ADAMTS17: variants seen among roughly 807,000 people sequenced by gnomAD.
ADAMTS17 encodes A disintegrin and metalloproteinase with thrombospondin motifs 17.
A neutral mutation model predicts 141.5 loss-of-function variants in ADAMTS17; 113 were observed. The ratio of observed to expected loss-of-function variants is 0.80; its 90% CI spans 0.69 to 0.93. The LOEUF (loss-of-function observed/expected upper bound fraction) is 0.93. Among genes scored for constraint, ADAMTS17 ranks in the 40% least tolerant of loss-of-function variants. The probability of loss-of-function intolerance (pLI) is 0.00; values close to 1 mark genes in which losing one functional copy is unlikely to be tolerated. For missense variants in ADAMTS17, 1,659 were observed against 1,517.9 expected (o/e 1.09, Z -1.54); for synonymous variants, 768 against 630.6 (o/e 1.22, Z -3.27).
At chr15:100,054,359 C>A (rs2032390178) in intron 15 of ADAMTS17, among the ~76,000 whole-genome samples, 1 of 152,144 alleles carries the variant, frequency 6.6e-6, no homozygotes, top group African/African-American at 2.4e-5. Flanking sequence ...GGTGGAGGGG[C>A]AGGGAATGGA....
chr15:100,221,912 C>A (rs1192079750), intron 7 of ADAMTS17, among the ~76,000 whole-genome samples: 1 of 152,216 alleles, frequency 6.6e-6, no homozygotes, highest in African/African-American at 2.4e-5. Context: ...GACACCTCTG[C>A]CGGAGGCCGC....
intron 18 of ADAMTS17, among the ~76,000 whole-genome samples, chr15:100,024,198 T>C (rs2061461594): frequency 6.6e-6 from 1 of 152,184 alleles, no homozygotes; most frequent in Non-Finnish European, 1.5e-5. Context: ...GCTCAAGCAA[T>C]TCTCCTGCGT....
At chr15:100,226,435 G>A (rs961007646) in intron 7 of ADAMTS17, among the ~76,000 whole-genome samples, 7 of 152,368 alleles carry the variant, frequency 4.6e-5, no homozygotes, top group African/African-American at 1.4e-4. Flanking sequence ...GTGGTTTTGA[G>A]GGACCATAAT....
chr15:100,156,163 G>A (rs1040549813), intron 8 of ADAMTS17, among the ~76,000 whole-genome samples: 4 of 152,230 alleles, frequency 2.6e-5, no homozygotes, highest in South Asian at 2.1e-4. Flanking sequence ...TCAAATCACT[G>A]CCAGCTTGGG....
intron 7 of ADAMTS17, among the ~76,000 whole-genome samples, chr15:100,237,901 G>T (rs1161601552): frequency 1.3e-5 from 2 of 152,240 alleles, no homozygotes; most frequent in Non-Finnish European, 2.9e-5. Context: ...TGGGATTACA[G>T]GTGTGAGCCC....
chr15:100,287,747 T>C (rs1049223496), intron 3 of ADAMTS17, among the ~76,000 whole-genome samples: 1 of 152,204 alleles, frequency 6.6e-6, no homozygotes, highest in African/African-American at 2.4e-5. Context: ...AAGAACTTGA[T>C]ATCCAGCCAA....
intron 18 of ADAMTS17, among the ~76,000 whole-genome samples, chr15:100,030,100 C>T (rs1196930612): frequency 6.6e-6 from 1 of 152,184 alleles, no homozygotes; most frequent in African/African-American, 2.4e-5. Flanking sequence ...CCTTTGTCCT[C>T]CCTGACAACT....
chr15:100,223,922 G>A (rs55915969), intron 7 of ADAMTS17, among the ~76,000 whole-genome samples: 35,658 of 151,926 alleles, frequency 0.23, 4,651 homozygotes, highest in East Asian at 0.33. Context: ...GAAGCAGTCC[G>A]AGTCCCGAAG....
intron 12 of ADAMTS17, among the ~76,000 whole-genome samples, chr15:100,125,951 T>G (rs2037710671): frequency 6.6e-6 from 1 of 152,010 alleles, no homozygotes; most frequent in Non-Finnish European, 1.5e-5. Context: ...AAGGGGGTCG[T>G]GGGAGCGTTC....
chr15:100,149,795 G>A (rs930237380), intron 10 of ADAMTS17, among the ~76,000 whole-genome samples: 3 of 152,220 alleles, frequency 2.0e-5, no homozygotes, highest in Admixed American at 1.3e-4. Context: ...ATCTTTTGCT[G>A]AGAAAATTCT....
At chr15:100,102,336 CCGAAGGGGA>C (rs2036153085) in intron 14 of ADAMTS17, among the ~76,000 whole-genome samples, 3 of 136,386 alleles carry the variant, frequency 2.2e-5, no homozygotes, top group Non-Finnish European at 3.1e-5. Context: ...TGAGGGCCGA[CCGAAGGGGA>C]TCTACATTTG....
chr15:100,164,283 A>G (rs911665595), intron 8 of ADAMTS17, among the ~76,000 whole-genome samples: 2 of 152,234 alleles, frequency 1.3e-5, no homozygotes, highest in Non-Finnish European at 2.9e-5. Flanking sequence ...CTGGCTTTGC[A>G]GTCAGACCAA....
rs1596345404 is a variant in ADAMTS17 at position 100,071,416 on chromosome 15, A to G, written c.2138-17362T>C. Among the ~76,000 whole-genome samples the G allele has an allele frequency of 3.3e-5, 5 of 150,174 alleles. No homozygotes were observed. The South Asian group carries it at 1.1e-3, about 32-fold the overall frequency. On this transcript the variant is annotated intron_variant, in intron 15 of 21. Coordinates refer to ENST00000268070, the MANE Select transcript of ADAMTS17 (RefSeq NM_139057.4). Reference sequence around the variant, plus strand: ...ATGAGGCCAGCATCATCCTGATACCAAAGCCTGGCAGAGACACAACAAAAA... The same window carrying G: ...ATGAGGCCAGCATCATCCTGATACCGAAGCCTGGCAGAGACACAACAAAAA...
intron 7 of ADAMTS17, among the ~76,000 whole-genome samples, chr15:100,205,878 G>A (rs745604679): frequency 1.3e-4 from 20 of 152,256 alleles, no homozygotes; most frequent in Non-Finnish European, 2.6e-4. Flanking sequence ...TGGGCGCCGC[G>A]GTCTCTGAAA....
chr15:100,141,769 T>C (rs147357317), intron 10 of ADAMTS17, among the ~76,000 whole-genome samples: 1 of 152,318 alleles, frequency 6.6e-6, no homozygotes, highest in African/African-American at 2.4e-5. Context: ...GAAAAGGCAG[T>C]CTACTGTAAA....
At chr15:100,004,372 C>T (rs372588449) in intron 18 of ADAMTS17, among the ~76,000 whole-genome samples, 7 of 152,200 alleles carry the variant, frequency 4.6e-5, no homozygotes, top group Non-Finnish European at 1.0e-4. Flanking sequence ...CCCAACCCCC[C>T]CTGGCTCCAG....
At chr15:100,190,833 C>T (rs2040889165) in intron 8 of ADAMTS17, among the ~76,000 whole-genome samples, 1 of 152,180 alleles carries the variant, frequency 6.6e-6, no homozygotes, top group Admixed American at 6.5e-5. Context: ...GAAGTGAGTC[C>T]AGTTACCAAG....
chr15:100,115,117 T>C (rs1449157371), intron 13 of ADAMTS17, among the ~76,000 whole-genome samples: 2 of 152,170 alleles, frequency 1.3e-5, no homozygotes, highest in Non-Finnish European at 2.9e-5. Context: ...TTATCTGGCA[T>C]GCCGGGGAAA....
intron 13 of ADAMTS17, 144 bp from the exon 14 acceptor site, chr15:100,109,260 C>CCAGCTCCTCTAAACAGGCGGCA (rs142688382): frequency 8.6e-7 from 1 of 1,165,204 alleles, no homozygotes; most frequent in Non-Finnish European, 1.2e-6. Flanking sequence ...GGTACGCGCT[C>CCAGCTCCTCTAAACAGGCGGCA]CAGGAAGCGG....
Sources: gnomAD v4.1 joint callset for allele counts (sites outside exome capture counted in the v4.1 genomes callset) on GRCh38, gnomAD v4.1.1 for gene constraint, MANE v1.5 for transcripts, NCBI Gene and HGNC (gene_info 2026-07-23, HGNC 2026-07-21) for gene names.